The following GAREM1 variants were observed in gnomAD, a reference collection of about 807,000 sequenced individuals.
GAREM1 encodes GRB2-associated and regulator of MAPK protein 1.
In GAREM1, 26 loss-of-function variants were observed where a neutral mutation model predicts 71.3. The observed-to-expected ratio is 0.36, with a 90% CI of 0.27 to 0.51. The LOEUF is 0.51. GAREM1 is among the 20% of genes least tolerant of loss of function. The pLI is 0.95. For synonymous variants in GAREM1, 440 were observed against 433.2 expected (o/e 1.02, Z -0.20); for missense variants, 1,026 against 1,103.1 (o/e 0.93, Z 0.99).
chr18:32,346,220 C>T (rs1239022064), intron 2 of GAREM1, among the ~76,000 whole-genome samples: 1 of 152,022 alleles, frequency 6.6e-6, no homozygotes. Context: ...ATGTAAATTG[C>T]CATGTTTATC....
At chr18:32,317,152 C>T (rs1365467403) in intron 2 of GAREM1, among the ~76,000 whole-genome samples, 13 of 152,126 alleles carry the variant, frequency 8.5e-5, no homozygotes. Context: ...CGCCTGTAAT[C>T]CCAGCACTTT....
intron 1 of GAREM1, among the ~76,000 whole-genome samples, chr18:32,420,013 A>G (rs2048504992): frequency 6.6e-6 from 1 of 152,230 alleles, no homozygotes; most frequent in South Asian, 2.1e-4. Context: ...CAGTGCCACT[A>G]GGCCAAAAGA....
intron 1 of GAREM1, among the ~76,000 whole-genome samples, chr18:32,411,255 G>A (rs914191409): frequency 2.0e-5 from 3 of 152,188 alleles, no homozygotes; most frequent in Non-Finnish European, 4.4e-5. Context: ...ATTAAGGAGT[G>A]ATTTTCATCA....
chr18:32,417,832 A>C (rs996874189), intron 1 of GAREM1, among the ~76,000 whole-genome samples: 1 of 152,206 alleles, frequency 6.6e-6, no homozygotes, highest in Non-Finnish European at 1.5e-5. Flanking sequence ...ACTATAGTCA[A>C]TAATATTAAT....
In GAREM1 at chr18:32,413,147, G is replaced by A. The variant is rs1051059927; in HGVS notation, c.122-20112C>T. On this transcript the variant is annotated intron_variant, in intron 1 of 5. Transcript: ENST00000269209. The stretch of plus-strand genomic sequence containing the variant: ...CAATGAAGAGCTTCCTCAGCTGTTC[G>A]GGCTCTTTAGGAGACTCTGACTTAG... The A allele has an allele frequency of 4.7e-5, 73 of 1,549,340 alleles. 1 individual carries two copies. In the South Asian group the frequency reaches 6.2e-4, roughly 13 times the overall value.
intron 2 of GAREM1, among the ~76,000 whole-genome samples, chr18:32,325,615 G>A (rs868733887): frequency 6.6e-6 from 1 of 152,222 alleles, no homozygotes; most frequent in Middle Eastern, 3.2e-3. Context: ...AGGTAGGACA[G>A]TCTCAGTAAG....
chr18:32,323,712 T>C (rs1321485857), intron 2 of GAREM1, among the ~76,000 whole-genome samples: 1 of 152,114 alleles, frequency 6.6e-6, no homozygotes, highest in Non-Finnish European at 1.5e-5. Flanking sequence ...CTATCTCAAA[T>C]AAACAAATAA....
At chr18:32,420,106 T>C (rs1353285283) in intron 1 of GAREM1, among the ~76,000 whole-genome samples, 1 of 152,134 alleles carries the variant, frequency 6.6e-6, no homozygotes, top group Admixed American at 6.6e-5. Context: ...CAAAACCTAT[T>C]AGTCTTTAAG....
At chr18:32,283,822 C>G (rs2046979959) in intron 4 of GAREM1, among the ~76,000 whole-genome samples, 3 of 152,126 alleles carry the variant, frequency 2.0e-5, no homozygotes, top group Admixed American at 6.5e-5. Flanking sequence ...CGGAGGATGC[C>G]AGAGCTGCAG....
chr18:32,397,083 T>C (rs2048264918), intron 1 of GAREM1, among the ~76,000 whole-genome samples: 1 of 152,092 alleles, frequency 6.6e-6, no homozygotes, highest in African/African-American at 2.4e-5. Flanking sequence ...AATAAAATAC[T>C]TTACAGACAA....
chr18:32,333,637 A>G (rs1223528981), intron 2 of GAREM1, among the ~76,000 whole-genome samples: 1 of 152,190 alleles, frequency 6.6e-6, no homozygotes, highest in African/African-American at 2.4e-5. Context: ...ACTCTTTTTA[A>G]TTCAAAGGAG....
At chr18:32,408,478 T>C (rs1482138935) in intron 1 of GAREM1, among the ~76,000 whole-genome samples, 2 of 151,980 alleles carry the variant, frequency 1.3e-5, no homozygotes, top group Non-Finnish European at 2.9e-5. Flanking sequence ...GGCAAAAAAA[T>C]TGTGAGGAAT....
chr18:32,309,722 AATAG>A lies in GAREM1; in HGVS notation c.393+467_393+470del, dbSNP rs775942536. On this transcript the variant is annotated intron_variant, in intron 3 of 5. Transcript: ENST00000269209. ...TATCAGTTTTCTCTATATATAGTGAAATAGATAGTCCACAAAGAATGGAATGAAT... is the reference window on the plus strand; with the variant it reads ...TATCAGTTTTCTCTATATATAGTGAAATAGTCCACAAAGAATGGAATGAAT... Among the ~76,000 whole-genome samples the A allele has an allele frequency of 2.9e-4, 44 of 152,072 alleles. 1 individual carries two copies. The highest frequency in any genetic ancestry group is 1.4e-3 in the Admixed American group (21 of 15,274).
intron 3 of GAREM1, among the ~76,000 whole-genome samples, chr18:32,300,499 T>C (rs573113701): frequency 6.6e-6 from 1 of 152,304 alleles, no homozygotes; most frequent in Admixed American, 6.5e-5. Flanking sequence ...ATAAACTGTT[T>C]TTGTGTTTTC....
At chr18:32,277,409 T>C (rs1252348812) in intron 4 of GAREM1, among the ~76,000 whole-genome samples, 1 of 152,180 alleles carries the variant, frequency 6.6e-6, no homozygotes, top group Non-Finnish European at 1.5e-5. Context: ...TTTCCATTGC[T>C]CCCTGCCTCT....
At position 32,337,954 on chromosome 18, in the gene GAREM1, T is replaced by C. The variant is rs191633790; in HGVS notation, c.263-27631A>G. 7.6e-4 allele frequency among the ~76,000 whole-genome samples: 115 copies of C among 152,174 alleles called. No homozygotes were observed. The East Asian group carries it at 0.014, about 19-fold the overall frequency. ...ACATTCGCTAACTAACCAAACAAAC[T>C]GGAAGGAGGCATACCACAAGACCCA... On this transcript the variant is annotated intron_variant, in intron 2 of 5. Transcript: ENST00000269209.
chr18:32,348,557 C>T (rs2047718062), intron 2 of GAREM1, among the ~76,000 whole-genome samples: 1 of 152,114 alleles, frequency 6.6e-6, no homozygotes, highest in Non-Finnish European at 1.5e-5. Flanking sequence ...AACGCCATCT[C>T]TACTAAAAAT....
At chr18:32,343,380 T>A (rs1314791985) in intron 2 of GAREM1, among the ~76,000 whole-genome samples, 3 of 148,070 alleles carry the variant, frequency 2.0e-5, no homozygotes, top group Non-Finnish European at 4.4e-5. Flanking sequence ...AGTGGCGCGA[T>A]CTCAGCTCAC....
chr18:32,441,890 G>T (rs1436814883), intron 1 of GAREM1, among the ~76,000 whole-genome samples: 1 of 152,162 alleles, frequency 6.6e-6, no homozygotes, highest in Admixed American at 6.6e-5. Context: ...TCCCTTGGAA[G>T]GTCACCGTAA....
Sources: allele counts gnomAD v4.1 joint callset (sites outside exome capture counted in the v4.1 genomes callset), GRCh38; gene constraint gnomAD v4.1.1; transcripts MANE v1.5; gene names NCBI Gene and HGNC (gene_info 2026-07-23, HGNC 2026-07-21).